NLRP8: variants seen among roughly 807,000 people sequenced by gnomAD.
NLRP8 encodes NLR family pyrin domain containing 8.
Under a neutral mutation model 88.7 loss-of-function variants are expected in NLRP8, and 86 were observed. The observed-to-expected ratio is 0.97, with a 90% CI of 0.81 to 1.16. The LOEUF is 1.16. Among genes scored for constraint, NLRP8 ranks in the 50% most tolerant of loss-of-function variants. The pLI is 0.00. For missense variants in NLRP8, 1,342 were observed against 1,286.5 expected (o/e 1.04, Z -0.66); for synonymous variants, 504 against 494.6 (o/e 1.02, Z -0.25).
At chr19:55,980,591 G>C (rs1446894429) in intron 9 of NLRP8, among the ~76,000 whole-genome samples, 1 of 152,138 alleles carries the variant, frequency 6.6e-6, no homozygotes, top group African/African-American at 2.4e-5. Flanking sequence ...GGGCGGCGGG[G>C]GGGCCTCAGT....
At chr19:55,954,346 A>C (rs188616308) in intron 2 of NLRP8, among the ~76,000 whole-genome samples, 155 bp from the exon 3 acceptor site, 159 of 152,274 alleles carry the variant, frequency 1.0e-3, no homozygotes, top group African/African-American at 3.7e-3. Flanking sequence ...GGTGCTTCCT[A>C]GTTGACACAG....
chr19:55,955,426 C>T lies in NLRP8; in HGVS notation c.1368C>T (p.His456=). The T allele has an allele frequency of 6.2e-7, 1 of 1,614,190 alleles. No homozygotes were observed. Among genetic ancestry groups the T allele is most frequent in the Non-Finnish European group, 8.5e-7 (1 of 1,180,046 alleles). The change falls in exon 3 of 10, where the codon CAC becomes CAT. Residue 456 remains histidine (H), a synonymous_variant. Coordinates refer to ENST00000291971, the MANE Select transcript of NLRP8 (RefSeq NM_176811.2). ...AAGCACAACTGGAAGGTCTGTGTCA[C>T]TTGGCCGCAGACAGCATGTGGCACA...
intron 3 of NLRP8, among the ~76,000 whole-genome samples, chr19:55,956,955 G>T (rs1979383314): frequency 6.6e-6 from 1 of 152,076 alleles, no homozygotes. Context: ...ACCATGCCTG[G>T]CTAATTTTTT....
chr19:55,956,536 A>T (rs1300956758), intron 3 of NLRP8, among the ~76,000 whole-genome samples: 1 of 151,934 alleles, frequency 6.6e-6, no homozygotes, highest in Non-Finnish European at 1.5e-5. Flanking sequence ...GAGCCATCGC[A>T]CGCGGCCAGT....
rs1294621179 is a variant in NLRP8 at position 55,955,022 on chromosome 19, A to G, written c.964A>G (p.Lys322Glu). The G allele has an allele frequency of 1.2e-6, 2 of 1,614,190 alleles. No individual in the cohort carries two copies. The highest frequency in any genetic ancestry group is 1.1e-5 in the South Asian group (1 of 91,084). The change falls in exon 3 of 10, where the codon AAA (lysine) becomes GAA (glutamate). Residue 322 changes from lysine (K) to glutamate (E), a missense_variant. By Grantham distance (56) the Lys-to-Glu change is moderately conservative (BLOSUM62 1). Transcript: ENST00000291971. ...TGTCCTACTGAGCAGTTTGCTGAGC[A>G]AAACGATGCTTCCAGAGGCCACGCT...
At chr19:55,966,526 G>A in intron 5 of NLRP8, 146 bp downstream of exon 5, 3 of 775,090 alleles carry the variant, frequency 3.9e-6, no homozygotes, top group South Asian at 2.1e-5. Context: ...ATTTGGGCCG[G>A]GCGCGGTGGC....
At chr19:55,962,282 G>A (rs79940386) in intron 4 of NLRP8, 45 bp downstream of exon 4, 1 of 1,564,542 alleles carries the variant, frequency 6.4e-7, no homozygotes, top group Non-Finnish European at 8.7e-7. Context: ...TATGGAGATG[G>A]TCTGTTTCCC....
intron 1 of NLRP8, 94 bp from the exon 2 acceptor site, chr19:55,952,444 G>C (rs1372219232): frequency 1.1e-6 from 1 of 938,764 alleles, no homozygotes; most frequent in East Asian, 2.4e-5. Flanking sequence ...CCATGTGGCT[G>C]CTTCTGTCCT....
chr19:55,976,063 C>CA, intron 7 of NLRP8, 70 bp from the exon 8 acceptor site: 1 of 1,305,120 alleles, frequency 7.7e-7, no homozygotes, highest in Non-Finnish European at 1.0e-6. Context: ...AGGGTGTTTT[C>CA]GTTGTTGTTG....
At chr19:55,963,596 C>T (rs1191406307) in intron 4 of NLRP8, among the ~76,000 whole-genome samples, 1 of 152,140 alleles carries the variant, frequency 6.6e-6, no homozygotes, top group Non-Finnish European at 1.5e-5. Flanking sequence ...CTTGCCCAGG[C>T]TGGAGTACAG....
intron 3 of NLRP8, among the ~76,000 whole-genome samples, chr19:55,959,790 C>T (rs956250862): frequency 1.1e-4 from 17 of 152,150 alleles, no homozygotes; most frequent in African/African-American, 3.9e-4. Flanking sequence ...GCCTTCTAAG[C>T]TATATGTCTA....
intron 5 of NLRP8, among the ~76,000 whole-genome samples, chr19:55,969,308 T>A (rs1252190031): frequency 1.3e-5 from 2 of 152,222 alleles, no homozygotes; most frequent in Non-Finnish European, 2.9e-5. Context: ...ATCATTCTTA[T>A]GCCTTTGCAT....
intron 9 of NLRP8, among the ~76,000 whole-genome samples, chr19:55,986,774 C>G (rs1980861356): frequency 1.3e-5 from 2 of 151,830 alleles, no homozygotes; most frequent in African/African-American, 4.8e-5. Flanking sequence ...CCGTGATTGC[C>G]AGCTGGCCCA....
intron 9 of NLRP8, among the ~76,000 whole-genome samples, chr19:55,985,504 T>G (rs1484742541): frequency 6.6e-6 from 1 of 152,244 alleles, no homozygotes; most frequent in Non-Finnish European, 1.5e-5. Flanking sequence ...AAGGGTAGTA[T>G]TGTAACAAAT....
chr19:55,963,283 G>T (rs1057128945), intron 4 of NLRP8, among the ~76,000 whole-genome samples: 1 of 152,146 alleles, frequency 6.6e-6, no homozygotes, highest in African/African-American at 2.4e-5. Flanking sequence ...CAAGGTGCTG[G>T]GATTACAGAT....
intron 2 of NLRP8, among the ~76,000 whole-genome samples, chr19:55,953,863 G>A (rs909300441): frequency 4.3e-5 from 6 of 139,194 alleles, no homozygotes; most frequent in Admixed American, 1.6e-4. Flanking sequence ...GTGCAGTGGC[G>A]CAATCTTGGC....
intron 7 of NLRP8, 97 bp from the exon 8 acceptor site, chr19:55,976,036 C>A: frequency 2.5e-6 from 3 of 1,224,086 alleles, no homozygotes; most frequent in South Asian, 1.9e-5. Context: ...AACCCAAAAA[C>A]AAAGAAGTAA....
In NLRP8 at chr19:55,976,201, C is replaced by T; in HGVS notation, c.2774C>T (p.Thr925Ile). Residue 925 changes from threonine to isoleucine, a missense_variant, in exon 8 of 10, where the codon ACC (threonine) becomes ATC (isoleucine). Coordinates refer to ENST00000291971, the MANE Select transcript of NLRP8 (RefSeq NM_176811.2). Reference sequence around the variant, plus strand: ...ATCTCTGCGCTCTGTAAAAATAAAACCCTGAAAAGTCTTGACCTAAGTTTT... The same window carrying T: ...ATCTCTGCGCTCTGTAAAAATAAAATCCTGAAAAGTCTTGACCTAAGTTTT... 2.5e-6 allele frequency: 4 copies of T among 1,613,504 alleles called. No individual in the cohort carries two copies. The highest frequency in any genetic ancestry group is 3.4e-6 in the Non-Finnish European group (4 of 1,179,860).
At chr19:55,961,006 A>T (rs1270666685) in intron 3 of NLRP8, among the ~76,000 whole-genome samples, 1 of 147,498 alleles carries the variant, frequency 6.8e-6, no homozygotes, top group Non-Finnish European at 1.5e-5. Context: ...GGTTCAAGCG[A>T]TTCTCTTTGC....
Sources: gnomAD v4.1 joint callset for allele counts (sites outside exome capture counted in the v4.1 genomes callset) on GRCh38, gnomAD v4.1.1 for gene constraint, MANE v1.5 for transcripts, NCBI Gene and HGNC (gene_info 2026-07-23, HGNC 2026-07-21) for gene names.